The following IRAG2 variants were observed in gnomAD, a reference collection of about 807,000 sequenced individuals.
IRAG2 encodes inositol 1,4,5-triphosphate receptor associated 2, also known as lymphoid restricted membrane protein.
In IRAG2, 45 loss-of-function variants were observed where a neutral mutation model predicts 69.9. The ratio of observed to expected loss-of-function variants is 0.64; its 90% confidence interval spans 0.51 to 0.83. The LOEUF is 0.83. Among genes scored for constraint, IRAG2 ranks in the 40% least tolerant of loss-of-function variants. IRAG2 has a pLI of 0.00. For synonymous variants in IRAG2, 193 were observed against 202.4 expected (o/e 0.95, Z 0.40); for missense variants, 520 against 587.0 (o/e 0.89, Z 1.18).
At chr12:25,061,564 T>C (rs144974048) in intron 1 of IRAG2, 28 bp from the exon 2 acceptor site, 2 of 398,544 alleles carry the variant, frequency 5.0e-6, no homozygotes, top group Non-Finnish European at 8.8e-6. Flanking sequence ...AATGGTCATA[T>C]TGAGCTGGTT....
At chr12:25,021,091 C>CAT (rs1944575238) in intron 7 of IRAG2, 1 of 270,482 alleles carries the variant, frequency 3.7e-6, no homozygotes. Context: ...TCTTTCTTTT[C>CAT]TTTTTTTTTT....
At chr12:25,019,711 C>T (rs543856533) in intron 6 of IRAG2, among the ~76,000 whole-genome samples, 57 of 152,202 alleles carry the variant, frequency 3.7e-4, no homozygotes, top group Non-Finnish European at 7.2e-4. Flanking sequence ...CATTTAAGGC[C>T]ATGGGTCCAG....
At chr12:25,000,543 G>A (rs763819753), upstream of IRAG2, among the ~76,000 whole-genome samples, 22 of 152,220 alleles carry the variant, frequency 1.4e-4, no homozygotes, top group Admixed American at 6.5e-4. Context: ...CTTGAACCTA[G>A]GAGTTTGAGG....
intron 9 of IRAG2, among the ~76,000 whole-genome samples, chr12:25,082,744 T>G (rs150738133): frequency 6.6e-6 from 1 of 152,314 alleles, no homozygotes; most frequent in Admixed American, 6.5e-5. Context: ...ACAAATATAA[T>G]ACACGCTTTA....
chr12:25,039,953 G>A (rs1445838163), intron 16 of IRAG2, among the ~76,000 whole-genome samples: 1 of 152,202 alleles, frequency 6.6e-6, no homozygotes, highest in Non-Finnish European at 1.5e-5. Context: ...AGGTTACCCA[G>A]CTGGGATTAA....
chr12:25,079,750 G>C lies in IRAG2; in HGVS notation c.231G>C (p.Thr77=), dbSNP rs565921441. Residue 77 remains threonine, a synonymous_variant, in exon 9 of 22, where the codon ACG becomes ACC. Coordinates refer to ENST00000556887, the MANE Select transcript of IRAG2 (RefSeq NM_001366544.2). ...KEEDTRSASP[T]IEAQGTSPAH... is the part of the protein sequence containing the mutation. The stretch of plus-strand genomic sequence containing the variant: ...AGGATACAAGATCAGCTTCTCCCAC[G>C]ATAGAGGCCCAAGGTAAAATGTTGA... 1 of 1,612,044 alleles carries C rather than the reference G, an allele frequency of 6.2e-7. No individual in the cohort carries two copies.
intron 16 of IRAG2, among the ~76,000 whole-genome samples, chr12:25,044,837 G>A (rs1461327782): frequency 2.0e-5 from 3 of 152,136 alleles, no homozygotes; most frequent in Non-Finnish European, 4.4e-5. Flanking sequence ...AGTATTTCAT[G>A]TTCAATAATG....
At chr12:25,069,268 T>C (rs1946175222) in intron 5 of IRAG2, 82 bp from the exon 6 acceptor site, 2 of 636,764 alleles carry the variant, frequency 3.1e-6, no homozygotes, top group Non-Finnish European at 5.6e-6. Flanking sequence ...CGTAGGGGAG[T>C]GAGAACCATG....
chr12:25,074,857 C>T (rs951300867), intron 6 of IRAG2, among the ~76,000 whole-genome samples: 2 of 152,160 alleles, frequency 1.3e-5, no homozygotes, highest in Admixed American at 6.5e-5. Flanking sequence ...CACTGGGAGG[C>T]GGTGATTTAT....
At chr12:25,015,744 C>T (rs1467542428) in intron 5 of IRAG2, among the ~76,000 whole-genome samples, 1 of 152,216 alleles carries the variant, frequency 6.6e-6, no homozygotes, top group African/African-American at 2.4e-5. Flanking sequence ...TGACCTTACA[C>T]TCTTTTGGAA....
chr12:25,046,608 T>C (rs1373479752), intron 16 of IRAG2, among the ~76,000 whole-genome samples: 4 of 152,006 alleles, frequency 2.6e-5, no homozygotes, highest in African/African-American at 9.7e-5. Flanking sequence ...AAAGAATACT[T>C]TGAAATAAAT....
At position 25,011,407 on chromosome 12, in the gene IRAG2, GACAA is replaced by G. The variant is rs1944473929; in HGVS notation, c.757_760del (p.Thr253LeufsTer34). ...GTGGCCAAAATAATCAATTTCCTGA[GACAA>G]ACAACTAGCCAAAATTCTGAAGACA... On this transcript the variant is annotated frameshift_variant, in exon 3 of 39. Coordinates refer to the IRAG2 transcript ENST00000636465. LOFTEE classifies it high-confidence loss of function. The G allele has an allele frequency of 8.1e-7, 1 of 1,231,658 alleles. No homozygotes were observed. The highest frequency in any genetic ancestry group is 1.0e-6 in the Non-Finnish European group (1 of 987,952). 76.3% of individuals were successfully genotyped at this position (1,231,658 alleles called of 1,614,324 possible).
chr12:25,020,891 C>G lies in IRAG2; in HGVS notation c.1316C>G (p.Ala439Gly), dbSNP rs542079929. ...GAAGAGCAGAAGAGCATGATTGTAG[C>G]CCAGAGCAAACAATTAGTAAGTCAT... Residue 439 changes from alanine to glycine, a missense_variant, in exon 7 of 39, where the codon GCC (alanine) becomes GGC (glycine). Physicochemically the swap from Ala to Gly is moderately conservative, Grantham distance 60. Coordinates refer to the IRAG2 transcript ENST00000636465. 148 of 1,229,858 alleles carry G rather than the reference C, an allele frequency of 1.2e-4. No homozygotes were observed. In the African/African-American group the frequency reaches 2.1e-3, roughly 18 times the overall value. 76.2% of individuals were successfully genotyped at this position (1,229,858 alleles called of 1,614,324 possible).
At chr12:25,050,914 TA>T (rs1944854265), upstream of IRAG2, among the ~76,000 whole-genome samples, 1 of 152,142 alleles carries the variant, frequency 6.6e-6, no homozygotes, top group East Asian at 1.9e-4. Flanking sequence ...TTCTCTGAGG[TA>T]TCTAAAATAG....
Position 25,102,055 on chromosome 12 carries a change from TA to T in IRAG2, c.890-140del. 5.6e-6 allele frequency: 4 copies of T among 711,148 alleles called. No homozygotes were observed. In the East Asian group the frequency reaches 1.1e-4, roughly 19 times the overall value. 44.1% of individuals were successfully genotyped at this position (711,148 alleles called of 1,614,324 possible). ...TTGTTATGAAGAATGAAATGAATGA[TA>T]AACAGATATTTATATTGCTCGGTAG... On this transcript the variant is annotated intron_variant, in intron 16 of 21. Coordinates refer to ENST00000556887, the MANE Select transcript of IRAG2 (RefSeq NM_001366544.2).
intron 6 of IRAG2, among the ~76,000 whole-genome samples, chr12:25,017,576 G>T (rs1345776738): frequency 2.6e-5 from 4 of 151,956 alleles, no homozygotes; most frequent in Non-Finnish European, 5.9e-5. Flanking sequence ...ACATTAGCTG[G>T]GCATGGTGGC....
At chr12:25,090,550 CA>C (rs1458742368) in intron 14 of IRAG2, among the ~76,000 whole-genome samples, 1 of 151,776 alleles carries the variant, frequency 6.6e-6, no homozygotes, top group Non-Finnish European at 1.5e-5. Context: ...GTCTCAAAAA[CA>C]AAACAAAAAA....
intron 12 of IRAG2, chr12:25,033,696 T>C: frequency 2.6e-6 from 1 of 388,608 alleles, no homozygotes; most frequent in Admixed American, 4.5e-5. Context: ...ACAGAGACAA[T>C]TTCTGATCAC....
In IRAG2 at chr12:25,062,884, C is replaced by G. The variant is rs762148637; in HGVS notation, c.-320C>G. 2 of 398,834 alleles carry G rather than the reference C, an allele frequency of 5.0e-6. No individual in the cohort carries two copies. Among genetic ancestry groups the G allele is most frequent in the Non-Finnish European group, 8.8e-6 (2 of 226,034 alleles). 24.7% of individuals were successfully genotyped at this position (398,834 alleles called of 1,614,324 possible). A position where few individuals can be genotyped will look rare whatever the true frequency, so the allele number is the denominator to read the frequency against. ...TCCTGCGCAGATGCAATTCAACAAC[C>G]TCTTCAAGAAAAATTGGTAATTGCG... On this transcript the variant is annotated 5_prime_UTR_variant, in exon 3 of 22. Transcript: ENST00000556887.
Sources: allele counts gnomAD v4.1 joint callset (sites outside exome capture counted in the v4.1 genomes callset), GRCh38; gene constraint gnomAD v4.1.1; transcripts MANE v1.5; gene names NCBI Gene and HGNC (gene_info 2026-07-23, HGNC 2026-07-21).